RFTN1: variants seen among roughly 807,000 people sequenced by gnomAD.
RFTN1 encodes the protein raftlin, lipid raft linker 1, also known as raftlin.
A neutral mutation model predicts 46.5 loss-of-function variants in RFTN1; 26 were observed. The ratio of observed to expected loss-of-function variants is 0.56; its 90% confidence interval spans 0.41 to 0.78. RFTN1 has a LOEUF of 0.78. Among genes scored for constraint, RFTN1 ranks in the 30% least tolerant of loss-of-function variants. The probability of loss-of-function intolerance (pLI) is 0.00; values close to 1 mark genes in which losing one functional copy is unlikely to be tolerated. For missense variants in RFTN1, 693 were observed against 718.7 expected (o/e 0.96, Z 0.41); for synonymous variants, 261 against 284.2 (o/e 0.92, Z 0.82).
chr3:16,330,082 T>C (rs2070158858), intron 7 of RFTN1, among the ~76,000 whole-genome samples: 1 of 152,208 alleles, frequency 6.6e-6, no homozygotes, highest in Non-Finnish European at 1.5e-5. Flanking sequence ...GGGTAGGAGA[T>C]GTCAGCCAGA....
At position 16,400,334 on chromosome 3, in the gene RFTN1, C is replaced by T. The variant is rs1252272546; in HGVS notation, c.441+9041G>A. ...CTCCACCCTCCCTCCCCTGTTGACC[C>T]TCAGGTCTTGGTATGTACACTTCAT... is the stretch of plus-strand genomic sequence containing the variant. On this transcript the variant is annotated intron_variant, in intron 4 of 9. Coordinates refer to ENST00000334133, the MANE Select transcript of RFTN1 (RefSeq NM_015150.2). This position sits in a 1 kb window ranked among gnomAD's most constrained non-coding sequence, Gnocchi z 4.5. Among the ~76,000 whole-genome samples, 1 of 152,172 alleles carries T rather than the reference C, an allele frequency of 6.6e-6. No homozygotes were observed. Among genetic ancestry groups the T allele is most frequent in the Non-Finnish European group, 1.5e-5 (1 of 68,032 alleles).
intron 4 of RFTN1, among the ~76,000 whole-genome samples, chr3:16,389,204 A>T (rs1381308592): frequency 6.6e-6 from 1 of 152,176 alleles, no homozygotes; most frequent in Admixed American, 6.5e-5. Flanking sequence ...CCTAGTTTTA[A>T]CCCTTGGTTA....
At chr3:16,399,600 A>C (rs968438022) in intron 4 of RFTN1, among the ~76,000 whole-genome samples, 2 of 152,082 alleles carry the variant, frequency 1.3e-5, no homozygotes, top group Non-Finnish European at 2.9e-5. Context: ...TGAATGCTGG[A>C]ATTCCCCTGG....
chr3:16,411,830 T>C (rs2125451547), intron 3 of RFTN1, among the ~76,000 whole-genome samples: 1 of 152,274 alleles, frequency 6.6e-6, no homozygotes, highest in Non-Finnish European at 1.5e-5. Context: ...TCCATTGAGA[T>C]TTCAAATGAA....
intron 9 of RFTN1, among the ~76,000 whole-genome samples, chr3:16,319,885 G>A (rs1379135606): frequency 6.6e-6 from 1 of 152,158 alleles, no homozygotes; most frequent in Admixed American, 6.5e-5. Context: ...TCCAGCCTGG[G>A]GAATGGACTC....
At chr3:16,325,394 G>A (rs1036893419) in intron 8 of RFTN1, among the ~76,000 whole-genome samples, 1 of 152,220 alleles carries the variant, frequency 6.6e-6, no homozygotes, top group African/African-American at 2.4e-5. Flanking sequence ...AGGTGTGAAG[G>A]TCTGAGACAG....
In RFTN1 at chr3:16,480,227, G is replaced by T. The variant is rs939890492; in HGVS notation, c.145+13498C>A. ...GGGAATATATTATTATACCTATCTT[G>T]TGTCAAAGCAACATGCATTCCTTAT... On this transcript the variant is annotated intron_variant, in intron 2 of 9. Transcript: ENST00000334133. The surrounding 1 kb of genome is among the most constrained non-coding windows in gnomAD (Gnocchi z 4.3). Among the ~76,000 whole-genome samples the T allele has an allele frequency of 3.3e-5, 5 of 152,194 alleles. No homozygotes were observed. The highest frequency in any genetic ancestry group is 1.2e-4 in the African/African-American group (5 of 41,434).
intron 2 of RFTN1, among the ~76,000 whole-genome samples, chr3:16,476,850 T>C (rs2076290908): frequency 6.6e-6 from 1 of 152,216 alleles, no homozygotes; most frequent in South Asian, 2.1e-4. Context: ...TTTCTTTACT[T>C]TCAATTTACA....
rs565031707 is a variant in RFTN1 at position 16,482,573 on chromosome 3, T to C, written c.145+11152A>G. ...AGAAGGCAAGTCTGAGTTCTGATTC[T>C]AGCTCATCACACATTCGTTGCAGAA... On this transcript the variant is annotated intron_variant, in intron 2 of 9. Transcript: ENST00000334133. Among the ~76,000 whole-genome samples, 23 of 152,340 alleles carry C rather than the reference T, an allele frequency of 1.5e-4. No homozygotes were observed. In the Middle Eastern group the frequency reaches 0.01, roughly 68 times the overall value.
At chr3:16,436,807 C>T (rs1427405546) in intron 2 of RFTN1, among the ~76,000 whole-genome samples, 1 of 152,144 alleles carries the variant, frequency 6.6e-6, no homozygotes, top group African/African-American at 2.4e-5. Context: ...CTACTTCAAA[C>T]AATTTTAATT....
At chr3:16,419,417 G>C (rs944686238) in intron 3 of RFTN1, among the ~76,000 whole-genome samples, 3 of 152,138 alleles carry the variant, frequency 2.0e-5, no homozygotes, top group African/African-American at 7.2e-5. Flanking sequence ...GTAGGAAGGG[G>C]GGAAGAATAT....
chr3:16,390,293 C>A (rs2074314830), intron 4 of RFTN1, among the ~76,000 whole-genome samples: 1 of 152,142 alleles, frequency 6.6e-6, no homozygotes, highest in African/African-American at 2.4e-5. Context: ...AAATCTAAAT[C>A]CTTTATAAAA....
At position 16,329,460 on chromosome 3, in the gene RFTN1, C is replaced by T. The variant is rs1162037622; in HGVS notation, c.1147-2584G>A. ...TACAGGTGGGGCCAGGAGAGAATGCCATTCTGGTCCCTTCCCTGAAGCCTC... is the reference window on the plus strand; with the variant it reads ...TACAGGTGGGGCCAGGAGAGAATGCTATTCTGGTCCCTTCCCTGAAGCCTC... On this transcript the variant is annotated intron_variant, in intron 7 of 9. Coordinates refer to ENST00000334133, the MANE Select transcript of RFTN1 (RefSeq NM_015150.2). This position sits in a 1 kb window ranked among gnomAD's most constrained non-coding sequence, Gnocchi z 4.5. 6.6e-6 allele frequency among the ~76,000 whole-genome samples: 1 copy of T among 152,156 alleles called. No individual in the cohort carries two copies. The highest frequency in any genetic ancestry group is 2.4e-5 in the African/African-American group (1 of 41,434).
At chr3:16,455,418 T>C (rs896755595) in intron 2 of RFTN1, among the ~76,000 whole-genome samples, 1 of 152,028 alleles carries the variant, frequency 6.6e-6, no homozygotes, top group Non-Finnish European at 1.5e-5. Context: ...CAAAAACAGG[T>C]TGGGGGCAGG....
chr3:16,505,981 C>T (rs367858723), intron 1 of RFTN1, among the ~76,000 whole-genome samples: 39 of 152,264 alleles, frequency 2.6e-4, no homozygotes, highest in East Asian at 2.5e-3. Flanking sequence ...TAAAAGAGCA[C>T]GCCTGCCCTC....
rs1338632307 is a variant in RFTN1, at chr3:16,451,254, G to A, written c.146-17217C>T. 6.6e-6 allele frequency among the ~76,000 whole-genome samples: 1 copy of A among 152,188 alleles called. No individual in the cohort carries two copies. Among genetic ancestry groups the A allele is most frequent in the Non-Finnish European group, 1.5e-5 (1 of 68,034 alleles). On this transcript the variant is annotated intron_variant, in intron 2 of 9. Transcript: ENST00000334133. This position sits in a 1 kb window ranked among gnomAD's most constrained non-coding sequence, Gnocchi z 4.2. ...AGTGCTGTCCTAGAAGTCAAGGGAAGACGGAACAGCAGAACGTCTCATCAG... is the reference window on the plus strand; with the variant it reads ...AGTGCTGTCCTAGAAGTCAAGGGAAAACGGAACAGCAGAACGTCTCATCAG...
intron 2 of RFTN1, among the ~76,000 whole-genome samples, chr3:16,434,393 CAAAA>C (rs763361472): frequency 4.4e-5 from 5 of 113,332 alleles, no homozygotes; most frequent in Admixed American, 1.7e-4. Flanking sequence ...AACAAACAAA[CAAAA>C]ACAAAAAAAC....
chr3:16,383,835 G>C lies in RFTN1; in HGVS notation c.442-5733C>G, dbSNP rs1463428860. On this transcript the variant is annotated intron_variant, in intron 4 of 9. Transcript: ENST00000334133. This position sits in a 1 kb window ranked among gnomAD's most constrained non-coding sequence, Gnocchi z 4.0. The stretch of plus-strand genomic sequence containing the variant: ...ATTGGAGTGTCCACAGCCTGTAGTA[G>C]ATAGCATGGGTAAAGAGTCAGAGAC... 6.6e-6 allele frequency among the ~76,000 whole-genome samples: 1 copy of C among 152,212 alleles called. No homozygotes were observed. Among genetic ancestry groups the C allele is most frequent in the Non-Finnish European group, 1.5e-5 (1 of 68,042 alleles).
rs1321643056 is a variant in RFTN1, at chr3:16,327,789, T to G, written c.1147-913A>C. 2.0e-5 allele frequency among the ~76,000 whole-genome samples: 3 copies of G among 151,342 alleles called. No individual in the cohort carries two copies. The highest frequency in any genetic ancestry group is 1.3e-4 in the Admixed American group (2 of 15,204). On this transcript the variant is annotated intron_variant, in intron 7 of 9. Transcript: ENST00000334133. The surrounding 1 kb of genome is among the most constrained non-coding windows in gnomAD (Gnocchi z 4.2). ...AAAAAAAAACAAAACGAAAAAAACT[T>G]CAGCCCCCTGCTAGCACAGGGAGAG...
Sources: gnomAD v4.1 joint callset for allele counts (sites outside exome capture counted in the v4.1 genomes callset) on GRCh38, gnomAD v4.1.1 for gene constraint, Gnocchi (gnomAD v3.1) non-coding constraint, MANE v1.5 for transcripts, NCBI Gene and HGNC (gene_info 2026-07-23, HGNC 2026-07-21) for gene names.